The following CAST variants were observed in gnomAD, a reference collection of about 807,000 sequenced individuals.
The protein encoded by CAST is MIR583 host.
A neutral mutation model predicts 119.6 loss-of-function variants in CAST; 76 were observed. The ratio of observed to expected loss-of-function variants is 0.64; its 90% CI spans 0.53 to 0.77. CAST has a LOEUF of 0.77. Among genes scored for constraint, CAST ranks in the 30% least tolerant of loss-of-function variants. CAST has a pLI of 0.00. For missense variants in CAST, 953 were observed against 946.5 expected, an observed-to-expected ratio of 1.01 and a Z score of -0.09; for synonymous variants, 319 against 331.6, an observed-to-expected ratio of 0.96 and a Z score of 0.41.
At chr5:96,213,791 TA>T in the CAST span, 1 of 151,986 alleles carries the variant, frequency 6.6e-6, no homozygotes, top group Admixed American at 6.6e-5. Flanking sequence ...ACCTTGTCTC[TA>T]AAAGAGAAAA....
chr5:96,758,098 C>T (rs1766742892), intron 24 of CAST, among the ~76,000 whole-genome samples: 1 of 152,060 alleles, frequency 6.6e-6, no homozygotes, highest in Admixed American at 6.5e-5. Context: ...CCACTGTAGC[C>T]ATTAAAAATG....
At chr5:96,238,554 A>AT in the CAST span, among the ~76,000 whole-genome samples, 21,867 of 136,138 alleles carry the variant, frequency 0.16, 2,017 homozygotes, top group Non-Finnish European at 0.21. Context: ...CACCTGGCTA[A>AT]TTTTTTTTTT....
chr5:96,458,663 A>G, the CAST span, among the ~76,000 whole-genome samples: 5 of 152,178 alleles, frequency 3.3e-5, no homozygotes, highest in East Asian at 1.9e-4. Flanking sequence ...TCCAGGGTCC[A>G]GTTTTCTCCA....
the CAST span, among the ~76,000 whole-genome samples, chr5:96,187,393 G>T: frequency 6.6e-6 from 1 of 151,864 alleles, no homozygotes; most frequent in Non-Finnish European, 1.5e-5. Context: ...TAGCTTCAGG[G>T]TTTGTTTTCT....
At chr5:96,300,831 A>T in the CAST span, among the ~76,000 whole-genome samples, 1 of 114,440 alleles carries the variant, frequency 8.7e-6, no homozygotes. Context: ...TTTATTCCTA[A>T]GCATTTTTTT....
the CAST span, among the ~76,000 whole-genome samples, chr5:96,277,449 A>G: frequency 6.6e-6 from 1 of 151,798 alleles, no homozygotes; most frequent in Non-Finnish European, 1.5e-5. Context: ...CCTATCTTTT[A>G]TATGCTTATT....
chr5:95,983,838 C>G, the CAST span, among the ~76,000 whole-genome samples: 2 of 152,074 alleles, frequency 1.3e-5, no homozygotes, highest in African/African-American at 4.8e-5. Flanking sequence ...TGAATATTTT[C>G]TTTTACAATA....
the CAST span, among the ~76,000 whole-genome samples, chr5:95,977,002 ACACT>A: frequency 6.6e-6 from 1 of 152,178 alleles, no homozygotes; most frequent in Non-Finnish European, 1.5e-5. Context: ...CTGTAAAATG[ACACT>A]CAGTAGCATG....
the CAST span, among the ~76,000 whole-genome samples, chr5:96,514,810 G>C: frequency 2.0e-5 from 3 of 152,114 alleles, no homozygotes; most frequent in Non-Finnish European, 4.4e-5. Flanking sequence ...GGAGTGCAGT[G>C]GCACAATCTC....
At chr5:96,056,837 G>A in the CAST span, among the ~76,000 whole-genome samples, 1 of 152,136 alleles carries the variant, frequency 6.6e-6, no homozygotes, top group Non-Finnish European at 1.5e-5. Context: ...TATGTGTGGG[G>A]AGACTTGGTA....
At chr5:96,418,331 T>C in the CAST span, among the ~76,000 whole-genome samples, 1 of 152,214 alleles carries the variant, frequency 6.6e-6, no homozygotes, top group Admixed American at 6.5e-5. Context: ...TTAAACAAAA[T>C]GATTTGTTTA....
the CAST span, among the ~76,000 whole-genome samples, chr5:96,068,954 A>G: frequency 2.0e-5 from 3 of 149,170 alleles, no homozygotes; most frequent in African/African-American, 7.4e-5. Context: ...GACAAAATCG[A>G]CAGGATGTAT....
chr5:96,351,626 C>T, the CAST span, among the ~76,000 whole-genome samples: 2 of 152,026 alleles, frequency 1.3e-5, no homozygotes, highest in Non-Finnish European at 2.9e-5. Context: ...CTACTGCACA[C>T]CTGTATTACG....
the CAST span, among the ~76,000 whole-genome samples, chr5:96,138,339 C>T: frequency 6.6e-6 from 1 of 151,890 alleles, no homozygotes; most frequent in Admixed American, 6.6e-5. Context: ...TATTCTGTTG[C>T]ATTGTCTATT....
At chr5:96,458,468 T>A in the CAST span, among the ~76,000 whole-genome samples, 3 of 152,212 alleles carry the variant, frequency 2.0e-5, no homozygotes, top group African/African-American at 7.2e-5. Flanking sequence ...AACACATAGT[T>A]GCCAACTTTC....
chr5:96,436,556 A>G, the CAST span, among the ~76,000 whole-genome samples: 1 of 152,210 alleles, frequency 6.6e-6, no homozygotes, highest in Non-Finnish European at 1.5e-5. Flanking sequence ...GCTGCTGTCA[A>G]TGAAACTTTT....
At chr5:96,097,431 C>A in the CAST span, among the ~76,000 whole-genome samples, 2 of 150,610 alleles carry the variant, frequency 1.3e-5, no homozygotes, top group East Asian at 3.9e-4. Context: ...CAGATTATTT[C>A]ATCACCCAGG....
the CAST span, among the ~76,000 whole-genome samples, chr5:96,473,499 CT>C: frequency 6.6e-6 from 1 of 152,254 alleles, no homozygotes; most frequent in African/African-American, 2.4e-5. Context: ...CAGGGTCCCC[CT>C]GATTTCTTTC....
intron 1 of CAST, among the ~76,000 whole-genome samples, chr5:96,667,000 A>T (rs751335109): frequency 6.6e-6 from 1 of 152,060 alleles, no homozygotes; most frequent in Non-Finnish European, 1.5e-5. Flanking sequence ...GAGTTGTCTC[A>T]TTTTCCTTTC....
Sources: gnomAD v4.1 joint callset for allele counts (sites outside exome capture counted in the v4.1 genomes callset) on GRCh38, gnomAD v4.1.1 for gene constraint, MANE v1.5 for transcripts, NCBI Gene and HGNC (gene_info 2026-07-23, HGNC 2026-07-21) for gene names.